BNC1: variants seen among roughly 807,000 people sequenced by gnomAD.
BNC1 encodes zinc finger protein basonuclin-1.
Under a neutral mutation model 66.5 loss-of-function variants are expected in BNC1, and 8 were observed. The ratio of observed to expected loss-of-function variants is 0.12; its 90% CI spans 0.07 to 0.22. The LOEUF (loss-of-function observed/expected upper bound fraction) is 0.22, where lower values mean the gene tolerates loss of function less well. Ranked by LOEUF, BNC1 falls within the 10% of genes least tolerant of loss-of-function variation. BNC1 has a pLI of 1.00. For missense variants in BNC1, 1,069 were observed against 1,241.3 expected, an observed-to-expected ratio of 0.86 and a Z score of 2.09; for synonymous variants, 454 against 452.6, an observed-to-expected ratio of 1.00 and a Z score of -0.04.
At chr15:83,280,553 T>TA (rs1287401266) in intron 1 of BNC1, among the ~76,000 whole-genome samples, 1 of 152,212 alleles carries the variant, frequency 6.6e-6, no homozygotes, top group Non-Finnish European at 1.5e-5. Context: ...ACTAAGTTTT[T>TA]AAAAAGAAAA....
chr15:83,274,962 T>A (rs2151439072), intron 1 of BNC1, among the ~76,000 whole-genome samples: 1 of 152,322 alleles, frequency 6.6e-6, no homozygotes, highest in Admixed American at 6.5e-5. Flanking sequence ...ACTTTCAGAG[T>A]TAGGTATTAT....
Position 83,257,584 on chromosome 15 carries a change from T to C in BNC1, c.2843A>G (p.Lys948Arg). Residue 948 changes from lysine to arginine, a missense_variant, in exon 5 of 5, where the codon AAA becomes AGA. Physicochemically the swap from Lys to Arg is conservative, Grantham distance 26. Coordinates refer to ENST00000345382, the MANE Select transcript of BNC1 (RefSeq NM_001717.4). ...GTGGAGCTGCCGGAGGTGCACAGTTTTGTAGTGGGCCCTAAAGGTCCCTTT... is the reference window on the plus strand; with the variant it reads ...GTGGAGCTGCCGGAGGTGCACAGTTCTGTAGTGGGCCCTAAAGGTCCCTTT... ...SNKGTFRAHY[K>R]TVHLRQLHKC... The C allele has an allele frequency of 6.2e-7, 1 of 1,614,104 alleles. No individual in the cohort carries two copies. The highest frequency in any genetic ancestry group is 8.5e-7 in the Non-Finnish European group (1 of 1,180,012).
At chr15:83,270,978 A>G (rs147904920) in intron 1 of BNC1, among the ~76,000 whole-genome samples, 1 of 152,308 alleles carries the variant, frequency 6.6e-6, no homozygotes, top group African/African-American at 2.4e-5. Context: ...CTCAATAAAA[A>G]TATTATTAAA....
In BNC1 at chr15:83,257,232, G is replaced by A. The variant is rs2038083426; in HGVS notation, c.*210C>T. On this transcript the variant is annotated 3_prime_UTR_variant, in exon 5 of 5. Transcript: ENST00000345382. ...CCTTGTATCAGTGAAAGACCTCTTGGGCTAAGAAAAATAATAGGAAGGGCT... is the reference window on the plus strand; with the variant it reads ...CCTTGTATCAGTGAAAGACCTCTTGAGCTAAGAAAAATAATAGGAAGGGCT... The A allele has an allele frequency of 9.8e-6, 6 of 610,652 alleles. No individual in the cohort carries two copies. Among genetic ancestry groups the A allele is most frequent in the Non-Finnish European group, 1.7e-5 (6 of 355,978 alleles). 37.8% of individuals were successfully genotyped at this position (610,652 alleles called of 1,614,324 possible).
At chr15:83,274,961 G>A (rs1454244615) in intron 1 of BNC1, among the ~76,000 whole-genome samples, 1 of 152,176 alleles carries the variant, frequency 6.6e-6, no homozygotes, top group African/African-American at 2.4e-5. Context: ...CACTTTCAGA[G>A]TTAGGTATTA....
rs1172624949 is a variant in BNC1, at chr15:83,278,607, T to C, written c.99+5923A>G. Among the ~76,000 whole-genome samples the C allele has an allele frequency of 2.0e-5, 3 of 152,346 alleles. No homozygotes were observed. In the East Asian group the frequency reaches 5.8e-4, roughly 29 times the overall value. On this transcript the variant is annotated intron_variant, in intron 1 of 4. Coordinates refer to ENST00000345382, the MANE Select transcript of BNC1 (RefSeq NM_001717.4). Reference sequence around the variant, plus strand: ...AATGTGTATCCTTTGCTATATAACCTGTATTTCAGGGTAAAAAAATCATTG... The same window carrying C: ...AATGTGTATCCTTTGCTATATAACCCGTATTTCAGGGTAAAAAAATCATTG...
chr15:83,280,756 T>C (rs780238973), intron 1 of BNC1, among the ~76,000 whole-genome samples: 1 of 152,204 alleles, frequency 6.6e-6, no homozygotes, highest in Non-Finnish European at 1.5e-5. Flanking sequence ...ATTTGAGGTT[T>C]GAGTATTTGG....
rs574127670 is a variant in BNC1 at position 83,276,259 on chromosome 15, ACT to A, written c.100-8029_100-8028del. Reference sequence around the variant, plus strand: ...CGGTCTTCTGGGCTCTGGTTGTCCGACTCTGCACAGAGCTACCAAAAATATCT... The same window carrying A: ...CGGTCTTCTGGGCTCTGGTTGTCCGACTGCACAGAGCTACCAAAAATATCT... On this transcript the variant is annotated intron_variant, in intron 1 of 4. Transcript: ENST00000345382. Among the ~76,000 whole-genome samples, 28 of 152,290 alleles carry A rather than the reference ACT, an allele frequency of 1.8e-4. No individual in the cohort carries two copies. The South Asian group carries it at 5.0e-3, about 27-fold the overall frequency.
rs1252533820 is a variant in BNC1, at chr15:83,257,610, G to T, written c.2817C>A (p.Asn939Lys). The T allele has an allele frequency of 6.2e-7, 1 of 1,614,142 alleles. No homozygotes were observed. The highest frequency in any genetic ancestry group is 8.5e-7 in the Non-Finnish European group (1 of 1,180,024). Residue 939 changes from asparagine (N) to lysine (K), a missense_variant, in exon 5 of 5, where the codon AAC becomes AAA. Asn to Lys is a moderately conservative substitution (Grantham distance 94). Transcript: ENST00000345382. ...TGTAGTGGGCCCTAAAGGTCCCTTT[G>T]TTACTGTATGTCTTTTGGCAGAGAT... Reference protein sequence around the residue: ...TCHLCQKTYSNKGTFRAHYKT... With the variant: ...TCHLCQKTYSKKGTFRAHYKT...
chr15:83,275,508 A>C (rs894314846), intron 1 of BNC1, among the ~76,000 whole-genome samples: 3 of 151,812 alleles, frequency 2.0e-5, no homozygotes, highest in Non-Finnish European at 4.4e-5. Flanking sequence ...AAAAAAAAAA[A>C]ACTAAGAAGA....
chr15:83,269,386 T>G (rs1454919497), intron 1 of BNC1, among the ~76,000 whole-genome samples: 1 of 151,998 alleles, frequency 6.6e-6, no homozygotes. Flanking sequence ...AGCTGCTGGG[T>G]AGAATTTGTA....
intron 2 of BNC1, among the ~76,000 whole-genome samples, 195 bp downstream of exon 2, chr15:83,267,938 T>G (rs1185542872): frequency 1.3e-5 from 2 of 152,132 alleles, no homozygotes; most frequent in Non-Finnish European, 2.9e-5. Flanking sequence ...TAGAATGAGG[T>G]TAATAAGACA....
chr15:83,284,364 C>A (rs1330466446), intron 1 of BNC1, among the ~76,000 whole-genome samples, 166 bp downstream of exon 1: 2 of 151,880 alleles, frequency 1.3e-5, no homozygotes, highest in African/African-American at 4.8e-5. Flanking sequence ...GGCCGGAGAC[C>A]ACGGTCCCTC....
At chr15:83,260,817 C>T (rs2038132134) in intron 4 of BNC1, among the ~76,000 whole-genome samples, 2 of 152,210 alleles carry the variant, frequency 1.3e-5, no homozygotes, top group Admixed American at 1.3e-4. Flanking sequence ...ATGTGGTTCT[C>T]AATCTCTGAC....
At chr15:83,273,417 G>A (rs926241571) in intron 1 of BNC1, among the ~76,000 whole-genome samples, 1 of 152,192 alleles carries the variant, frequency 6.6e-6, no homozygotes, top group Non-Finnish European at 1.5e-5. Context: ...CTCTTAAAAT[G>A]TATAGCCTTT....
chr15:83,262,305 C>T (rs2038152730), intron 4 of BNC1, among the ~76,000 whole-genome samples: 1 of 152,098 alleles, frequency 6.6e-6, no homozygotes. Context: ...CCCGCCCTGG[C>T]CTCCCAAAGT....
At chr15:83,282,514 A>G (rs191348844) in intron 1 of BNC1, among the ~76,000 whole-genome samples, 1 of 152,376 alleles carries the variant, frequency 6.6e-6, no homozygotes, top group East Asian at 1.9e-4. Flanking sequence ...TATGATGTAC[A>G]AAATTTTATT....
intron 1 of BNC1, among the ~76,000 whole-genome samples, chr15:83,270,398 A>C (rs766417025): frequency 1.3e-5 from 2 of 152,222 alleles, no homozygotes; most frequent in South Asian, 2.1e-4. Flanking sequence ...TTAATGTTTT[A>C]AGAAACTGCC....
rs535625441 is a variant in BNC1, at chr15:83,282,327, G to A, written c.99+2203C>T. On this transcript the variant is annotated intron_variant, in intron 1 of 4. Transcript: ENST00000345382. ...AAATTAGTTAGCAAACTTATTAGAT[G>A]AGAAATCAAACGATGACTCGTATCT... Among the ~76,000 whole-genome samples the A allele has an allele frequency of 3.9e-5, 6 of 152,294 alleles. No homozygotes were observed. The South Asian group carries it at 1.0e-3, about 26-fold the overall frequency.
Sources: allele counts gnomAD v4.1 joint callset (sites outside exome capture counted in the v4.1 genomes callset), GRCh38; gene constraint gnomAD v4.1.1; transcripts MANE v1.5; gene names NCBI Gene and HGNC (gene_info 2026-07-23, HGNC 2026-07-21).